The following FAM135B variants were observed in gnomAD, a reference collection of about 807,000 sequenced individuals.
FAM135B encodes the protein family with sequence similarity 135 member B.
Under a neutral mutation model 127.7 loss-of-function variants are expected in FAM135B, and 43 were observed. That is an observed-to-expected ratio of 0.34 (90% CI 0.26 to 0.43). The LOEUF is 0.43. Among genes scored for constraint, FAM135B ranks in the 20% least tolerant of loss-of-function variants. FAM135B has a pLI of 1.00. For synonymous variants in FAM135B, 670 were observed against 665.1 expected (o/e 1.01, Z -0.11); for missense variants, 1,558 against 1,725.6 (o/e 0.90, Z 1.72).
chr8:138,312,383 C>T (rs1463149090), intron 2 of FAM135B, among the ~76,000 whole-genome samples: 1 of 152,134 alleles, frequency 6.6e-6, no homozygotes, highest in Non-Finnish European at 1.5e-5. Flanking sequence ...AATGAAGATG[C>T]TTCAAGGTAG....
intron 3 of FAM135B, among the ~76,000 whole-genome samples, chr8:138,295,055 T>C (rs1029294253): frequency 1.3e-5 from 2 of 151,112 alleles, no homozygotes; most frequent in Non-Finnish European, 1.5e-5. Flanking sequence ...TGAGAGATAA[T>C]TCCTCACACA....
chr8:138,276,330 A>T (rs1823820176), intron 3 of FAM135B, among the ~76,000 whole-genome samples: 1 of 152,186 alleles, frequency 6.6e-6, no homozygotes, highest in Non-Finnish European at 1.5e-5. Context: ...GTCCCCACCC[A>T]GTCACGGTCT....
At chr8:138,348,847 T>C (rs1299171526) in intron 2 of FAM135B, among the ~76,000 whole-genome samples, 2 of 152,270 alleles carry the variant, frequency 1.3e-5, no homozygotes, top group Non-Finnish European at 2.9e-5. Context: ...TAGGACATGG[T>C]TGGGGCATAA....
intron 12 of FAM135B, among the ~76,000 whole-genome samples, chr8:138,160,313 A>G (rs1451314949): frequency 6.6e-6 from 1 of 152,052 alleles, no homozygotes; most frequent in African/African-American, 2.4e-5. Context: ...GAAACCCACA[A>G]TTTATAGCCA....
chr8:138,178,763 C>T, intron 9 of FAM135B, 73 bp from the exon 10 acceptor site: 3 of 1,366,978 alleles, frequency 2.2e-6, no homozygotes, highest in South Asian at 1.3e-5. Context: ...TTCCTGAAGT[C>T]TTTACTGACT....
chr8:138,309,701 T>C (rs776826808), intron 3 of FAM135B, among the ~76,000 whole-genome samples: 1 of 152,192 alleles, frequency 6.6e-6, no homozygotes, highest in Non-Finnish European at 1.5e-5. Flanking sequence ...AAGTGAATTA[T>C]ATGAAGTGTA....
intron 7 of FAM135B, among the ~76,000 whole-genome samples, chr8:138,220,079 A>ACACACACACACC (rs1818907569): frequency 6.6e-6 from 1 of 151,882 alleles, no homozygotes; most frequent in Non-Finnish European, 1.5e-5. Flanking sequence ...ACACACACAC[A>ACACACACACACC]CACACACACA....
At chr8:138,298,109 A>C (rs1262373778) in intron 3 of FAM135B, among the ~76,000 whole-genome samples, 2 of 152,206 alleles carry the variant, frequency 1.3e-5, no homozygotes, top group African/African-American at 2.4e-5. Context: ...GGACCTATTC[A>C]TATAACTTAT....
chr8:138,194,946 C>G (rs1390605031), intron 9 of FAM135B, among the ~76,000 whole-genome samples: 1 of 152,188 alleles, frequency 6.6e-6, no homozygotes, highest in Non-Finnish European at 1.5e-5. Flanking sequence ...GTGAGAAGCA[C>G]TGAGTTAACC....
chr8:138,412,792 A>T (rs1349945148), intron 1 of FAM135B, among the ~76,000 whole-genome samples: 1 of 152,206 alleles, frequency 6.6e-6, no homozygotes, highest in Non-Finnish European at 1.5e-5. Flanking sequence ...GTTGTATGGT[A>T]ACTGTGAAAG....
chr8:138,245,972 T>C (rs938435217), intron 6 of FAM135B, among the ~76,000 whole-genome samples: 4 of 152,172 alleles, frequency 2.6e-5, no homozygotes, highest in African/African-American at 9.7e-5. Context: ...ATGAGGAACT[T>C]CTTGGGAACT....
chr8:138,390,531 G>A (rs1554682041), intron 1 of FAM135B, among the ~76,000 whole-genome samples: 1 of 152,112 alleles, frequency 6.6e-6, no homozygotes, highest in Non-Finnish European at 1.5e-5. Context: ...TCAGCACCAT[G>A]AAAAGGGACT....
At chr8:138,306,522 G>C (rs756355380) in intron 3 of FAM135B, among the ~76,000 whole-genome samples, 1 of 149,802 alleles carries the variant, frequency 6.7e-6, no homozygotes, top group Admixed American at 6.6e-5. Flanking sequence ...TTTAGACCTC[G>C]TCTCTCTAAG....
At chr8:138,412,782 G>C (rs1290411386) in intron 1 of FAM135B, among the ~76,000 whole-genome samples, 1 of 152,152 alleles carries the variant, frequency 6.6e-6, no homozygotes, top group Non-Finnish European at 1.5e-5. Context: ...TTCAGGAACT[G>C]TTGTATGGTA....
chr8:138,400,330 G>C (rs1833087936), intron 1 of FAM135B, among the ~76,000 whole-genome samples: 1 of 152,154 alleles, frequency 6.6e-6, no homozygotes, highest in South Asian at 2.1e-4. Context: ...AGAATGACCT[G>C]CTACCAAAGA....
intron 1 of FAM135B, among the ~76,000 whole-genome samples, chr8:138,452,765 G>T (rs575932071): frequency 1.3e-5 from 2 of 152,096 alleles, no homozygotes; most frequent in Non-Finnish European, 2.9e-5. Context: ...CTCAAGGCTC[G>T]ACTGGGGCTG....
At chr8:138,142,285 CTTCTTTTT>C (rs1314929973) in intron 16 of FAM135B, among the ~76,000 whole-genome samples, 2,298 of 99,868 alleles carry the variant, frequency 0.023, 123 homozygotes, top group Middle Eastern at 0.069. Flanking sequence ...CATTCTGCTT[CTTCTTTTT>C]TTTTTTTTTT....
chr8:138,258,803 C>CCACACCCACACACACACA (rs1554646349), intron 4 of FAM135B, among the ~76,000 whole-genome samples: 1 of 146,526 alleles, frequency 6.8e-6, no homozygotes, highest in African/African-American at 2.6e-5. Flanking sequence ...GACACACACA[C>CCACACCCACACACACACA]CACACACACA....
chr8:138,461,903 G>A (rs1341538522), intron 1 of FAM135B, among the ~76,000 whole-genome samples: 5 of 151,914 alleles, frequency 3.3e-5, no homozygotes, highest in East Asian at 1.9e-4. Flanking sequence ...GCTAATAACC[G>A]CCCACCCAGA....
Sources: allele counts gnomAD v4.1 joint callset (sites outside exome capture counted in the v4.1 genomes callset), GRCh38; gene constraint gnomAD v4.1.1; transcripts MANE v1.5; gene names NCBI Gene and HGNC (gene_info 2026-07-23, HGNC 2026-07-21).